ULK4: variants seen among roughly 807,000 people sequenced by gnomAD.
The protein encoded by ULK4 is unc-51 like kinase 4, also known as inactive serine/threonine-protein kinase ULK4.
In ULK4, 133 loss-of-function variants were observed where a neutral mutation model predicts 160.6. The observed-to-expected ratio is 0.83, with a 90% CI of 0.72 to 0.96. ULK4 has a LOEUF of 0.96. Ranked by LOEUF, ULK4 falls within the 40% of genes least tolerant of loss-of-function variation. ULK4 has a pLI of 0.00. For synonymous variants in ULK4, 534 were observed against 539.8 expected (o/e 0.99, Z 0.15); for missense variants, 1,580 against 1,499.5 (o/e 1.05, Z -0.89).
intron 35 of ULK4, among the ~76,000 whole-genome samples, chr3:41,280,368 A>G (rs563573895): frequency 1.3e-5 from 2 of 152,364 alleles, no homozygotes; most frequent in South Asian, 2.1e-4. Flanking sequence ...TCTTCTCAGT[A>G]CCACATCACA....
chr3:41,506,939 A>G (rs1478965988), intron 32 of ULK4, among the ~76,000 whole-genome samples: 1 of 149,588 alleles, frequency 6.7e-6, no homozygotes, highest in Non-Finnish European at 1.5e-5. Context: ...GGGCAGCACG[A>G]CTCAAGACAG....
At chr3:41,806,381 CTTTA>C (rs756645326) in intron 19 of ULK4, among the ~76,000 whole-genome samples, 10 of 151,962 alleles carry the variant, frequency 6.6e-5, no homozygotes, top group Non-Finnish European at 1.5e-4. Flanking sequence ...CTCTTTTCTT[CTTTA>C]TTAGTCTTGC....
chr3:41,418,912 C>A (rs1039119400), intron 34 of ULK4, among the ~76,000 whole-genome samples: 1 of 152,168 alleles, frequency 6.6e-6, no homozygotes, highest in African/African-American at 2.4e-5. Context: ...CCATTTTACA[C>A]AGAGTTGTTA....
intron 17 of ULK4, among the ~76,000 whole-genome samples, chr3:41,883,504 G>A (rs543073333): frequency 3.0e-4 from 45 of 152,284 alleles, no homozygotes; most frequent in African/African-American, 1.0e-3. Context: ...CTACATTCAA[G>A]GTGAAAGGCC....
intron 35 of ULK4, among the ~76,000 whole-genome samples, chr3:41,291,829 C>CTT (rs57691333): frequency 4.5e-5 from 6 of 133,442 alleles, no homozygotes; most frequent in Admixed American, 1.5e-4. Flanking sequence ...TTGTGATGTT[C>CTT]TTTTTTTTTT....
intron 9 of ULK4, among the ~76,000 whole-genome samples, chr3:41,912,108 G>A (rs563500413): frequency 2.6e-5 from 4 of 151,338 alleles, no homozygotes; most frequent in East Asian, 1.9e-4. Flanking sequence ...CGGGCAAATC[G>A]CTTGAGGCCA....
At chr3:41,684,152 G>A (rs2036018682) in intron 27 of ULK4, among the ~76,000 whole-genome samples, 1 of 152,198 alleles carries the variant, frequency 6.6e-6, no homozygotes, top group Admixed American at 6.5e-5. Flanking sequence ...CAGCTGTGCT[G>A]CAGTGAGAAG....
intron 22 of ULK4, among the ~76,000 whole-genome samples, chr3:41,735,436 G>C (rs1424887435): frequency 6.6e-6 from 1 of 151,926 alleles, no homozygotes; most frequent in Non-Finnish European, 1.5e-5. Context: ...AATTCCCCTG[G>C]GTCACCCTTA....
chr3:41,363,928 C>CTTTTTTTTT (rs201380727), intron 35 of ULK4, among the ~76,000 whole-genome samples: 2 of 135,300 alleles, frequency 1.5e-5, no homozygotes. Flanking sequence ...TCCAAATTCT[C>CTTTTTTTTT]TCTCTTTTTT....
intron 15 of ULK4, among the ~76,000 whole-genome samples, chr3:41,895,788 CG>C (rs1698131675): frequency 6.6e-6 from 1 of 152,074 alleles, no homozygotes; most frequent in African/African-American, 2.4e-5. Flanking sequence ...ACTTTATATT[CG>C]CTAAATGACT....
chr3:41,827,645 A>C (rs1469895721), intron 18 of ULK4, among the ~76,000 whole-genome samples: 5 of 152,326 alleles, frequency 3.3e-5, no homozygotes, highest in East Asian at 3.9e-4. Context: ...TCTGAAATTG[A>C]GGCAATAATT....
intron 30 of ULK4, among the ~76,000 whole-genome samples, chr3:41,643,258 T>A (rs938255942): frequency 3.1e-4 from 47 of 152,262 alleles, no homozygotes; most frequent in African/African-American, 1.1e-3. Context: ...AGACATGAAG[T>A]CCTTGCCCAT....
chr3:41,461,006 T>A (rs2083671424), intron 33 of ULK4, among the ~76,000 whole-genome samples: 1 of 152,068 alleles, frequency 6.6e-6, no homozygotes, highest in African/African-American at 2.4e-5. Flanking sequence ...CACCACTGAG[T>A]CTCAGGCACT....
intron 35 of ULK4, among the ~76,000 whole-genome samples, chr3:41,327,434 C>A (rs894330816): frequency 6.6e-6 from 1 of 152,114 alleles, no homozygotes; most frequent in Non-Finnish European, 1.5e-5. Flanking sequence ...TGTCCTCTTG[C>A]CCGTATTCTG....
intron 19 of ULK4, among the ~76,000 whole-genome samples, chr3:41,801,676 C>G (rs2040463387): frequency 6.6e-6 from 1 of 151,922 alleles, no homozygotes; most frequent in Non-Finnish European, 1.5e-5. Context: ...ATAGCAAGAC[C>G]TTTTCTGTAC....
intron 20 of ULK4, 128 bp downstream of exon 20, chr3:41,800,004 C>A (rs998012229): frequency 1.3e-5 from 12 of 930,420 alleles, no homozygotes; most frequent in Admixed American, 3.6e-5. Context: ...CAAATTATTT[C>A]TCTCAATATT....
chr3:41,835,982 A>C lies in ULK4; in HGVS notation c.1657-11T>G, dbSNP rs2125653770. The C allele has an allele frequency of 2.4e-6, 1 of 420,398 alleles. No homozygotes were observed. Among genetic ancestry groups the C allele is most frequent in the Non-Finnish European group, 3.2e-6 (1 of 308,144 alleles). The allele number at this position is 420,398 out of a possible 1,614,324, so 26.0% of individuals were successfully genotyped here. ...TAAGAGAACAATTGCCTGCAAAGAC[A>C]AAAAAAAAAAAAGTAAATTATTTCA... On this transcript the variant is annotated splice_polypyrimidine_tract_variant and intron_variant, in intron 17 of 36. Coordinates refer to ENST00000301831, the MANE Select transcript of ULK4 (RefSeq NM_017886.4).
At chr3:41,788,089 T>G (rs1308755595) in intron 21 of ULK4, among the ~76,000 whole-genome samples, 1 of 152,150 alleles carries the variant, frequency 6.6e-6, no homozygotes, top group Admixed American at 6.5e-5. Flanking sequence ...ACTAGACACA[T>G]AGATTTGTTA....
intron 13 of ULK4, chr3:41,899,145 G>C (rs978585638): frequency 1.3e-5 from 2 of 151,924 alleles, no homozygotes; most frequent in African/African-American, 4.8e-5. Flanking sequence ...AGCCATAATA[G>C]CATGAATTGG....
Sources: gnomAD v4.1 joint callset for allele counts (sites outside exome capture counted in the v4.1 genomes callset) on GRCh38, gnomAD v4.1.1 for gene constraint, MANE v1.5 for transcripts, NCBI Gene and HGNC (gene_info 2026-07-23, HGNC 2026-07-21) for gene names.